FNBP1L: variants seen among roughly 807,000 people sequenced by gnomAD.
FNBP1L encodes the protein formin binding protein 1 like, also known as formin-binding protein 1-like.
FNBP1L carries 36 observed loss-of-function variants against 91.2 expected under a neutral mutation model. The observed-to-expected ratio is 0.39, with a 90% CI of 0.30 to 0.52. The LOEUF (loss-of-function observed/expected upper bound fraction) is 0.52. Among genes scored for constraint, FNBP1L ranks in the 20% least tolerant of loss-of-function variants. FNBP1L has a pLI of 0.66. For missense variants in FNBP1L, 571 were observed against 732.1 expected (o/e 0.78, Z 2.54); for synonymous variants, 242 against 237.0 (o/e 1.02, Z -0.19).
intron 1 of FNBP1L, among the ~76,000 whole-genome samples, chr1:93,472,289 C>T (rs374988479): frequency 6.6e-5 from 10 of 152,276 alleles, no homozygotes; most frequent in African/African-American, 2.4e-4. Flanking sequence ...TTCACGAATA[C>T]TACTACTAAT....
rs1192168194 is a variant in FNBP1L at position 93,536,411 on chromosome 1, T to C, written c.1070T>C (p.Ile357Thr). ...PNGSQFLTFS[I>T]EPVHYCMNEI... ...GGGTCCCAGTTTCTCACATTCTCCA[T>C]TGAGCCCGTGCATTATTGTATGAAT... Residue 357 changes from isoleucine to threonine, a missense_variant, in exon 10 of 17, where the codon ATT (isoleucine) becomes ACT (threonine). Transcript: ENST00000271234. 26 of 1,550,980 alleles carry C rather than the reference T, an allele frequency of 1.7e-5. No individual in the cohort carries two copies. The highest frequency in any genetic ancestry group is 2.2e-5 in the Non-Finnish European group (25 of 1,146,438).
chr1:93,518,842 C>A (rs988989652), intron 2 of FNBP1L, among the ~76,000 whole-genome samples: 1 of 152,130 alleles, frequency 6.6e-6, no homozygotes, highest in Non-Finnish European at 1.5e-5. Flanking sequence ...AAAAAGAAAA[C>A]CCTGTACCCA....
chr1:93,505,049 T>G (rs1468884061), intron 2 of FNBP1L, among the ~76,000 whole-genome samples: 3 of 151,946 alleles, frequency 2.0e-5, no homozygotes, highest in Non-Finnish European at 4.4e-5. Context: ...GTTTCATAGT[T>G]TTAGGTCTTT....
At chr1:93,451,802 C>A (rs1033894220) in intron 1 of FNBP1L, among the ~76,000 whole-genome samples, 1 of 152,092 alleles carries the variant, frequency 6.6e-6, no homozygotes, top group Non-Finnish European at 1.5e-5. Flanking sequence ...CAGGTGCACA[C>A]CACCATGCCC....
intron 1 of FNBP1L, among the ~76,000 whole-genome samples, chr1:93,481,812 A>G (rs1230198683): frequency 1.3e-5 from 2 of 152,180 alleles, no homozygotes; most frequent in East Asian, 1.9e-4. Context: ...TGGGAAAAAA[A>G]GGAAAGTGTT....
intron 2 of FNBP1L, among the ~76,000 whole-genome samples, chr1:93,516,419 G>A (rs1393784247): frequency 6.6e-6 from 1 of 152,204 alleles, no homozygotes; most frequent in African/African-American, 2.4e-5. Flanking sequence ...ACCCACAGGA[G>A]TTCTGGCAAG....
chr1:93,493,110 A>G (rs1159338134), intron 1 of FNBP1L, among the ~76,000 whole-genome samples: 2 of 152,116 alleles, frequency 1.3e-5, no homozygotes, highest in African/African-American at 4.8e-5. Context: ...CTAAAAATAC[A>G]AAAATTAGCT....
intron 2 of FNBP1L, among the ~76,000 whole-genome samples, chr1:93,515,666 CA>C (rs1483160058): frequency 6.7e-6 from 1 of 148,614 alleles, no homozygotes; most frequent in Non-Finnish European, 1.5e-5. Context: ...ATCGCAAGCA[CA>C]AAAAACCAAA....
chr1:93,539,412 C>T (rs1671951694), intron 10 of FNBP1L, among the ~76,000 whole-genome samples: 1 of 151,752 alleles, frequency 6.6e-6, no homozygotes, highest in African/African-American at 2.4e-5. Flanking sequence ...TTACACAGAA[C>T]ATATGTCTAA....
At chr1:93,470,084 A>G (rs1299771535) in intron 1 of FNBP1L, among the ~76,000 whole-genome samples, 1 of 152,164 alleles carries the variant, frequency 6.6e-6, no homozygotes, top group Non-Finnish European at 1.5e-5. Context: ...TTTTGGCATT[A>G]ATTTAAGAAA....
At chr1:93,524,208 TTTTTG>T (rs1671424634) in intron 4 of FNBP1L, 48 bp from the exon 5 acceptor site, 5 of 1,354,850 alleles carry the variant, frequency 3.7e-6, no homozygotes, top group Admixed American at 3.2e-5. Flanking sequence ...TTTTTATTTG[TTTTTG>T]TTTTATTTTT....
chr1:93,467,374 A>C (rs1669124931), intron 1 of FNBP1L, among the ~76,000 whole-genome samples: 1 of 152,236 alleles, frequency 6.6e-6, no homozygotes, highest in Non-Finnish European at 1.5e-5. Context: ...TAAGTGAAAC[A>C]AACAGGTCAG....
At chr1:93,498,048 C>T (rs902518632) in intron 1 of FNBP1L, among the ~76,000 whole-genome samples, 6 of 151,286 alleles carry the variant, frequency 4.0e-5, no homozygotes, top group East Asian at 1.9e-4. Flanking sequence ...TTCATAACTA[C>T]GTAATTCAAT....
chr1:93,506,886 A>ATG (rs1304541474), intron 2 of FNBP1L, among the ~76,000 whole-genome samples: 2 of 152,164 alleles, frequency 1.3e-5, no homozygotes, highest in Non-Finnish European at 2.9e-5. Context: ...TTAAATATAT[A>ATG]TTAAAAAGGG....
At chr1:93,541,303 G>A (rs945858513) in intron 11 of FNBP1L, among the ~76,000 whole-genome samples, 1 of 152,162 alleles carries the variant, frequency 6.6e-6, no homozygotes, top group Non-Finnish European at 1.5e-5. Context: ...TCATGTTACA[G>A]AGGAGCGTAA....
At chr1:93,486,830 A>G (rs565327352) in intron 1 of FNBP1L, among the ~76,000 whole-genome samples, 138 of 152,330 alleles carry the variant, frequency 9.1e-4, no homozygotes, top group African/African-American at 3.2e-3. Flanking sequence ...AGCAATGAAC[A>G]CTGCTTCTAC....
chr1:93,482,244 TTTTCA>T (rs775284480), intron 1 of FNBP1L, among the ~76,000 whole-genome samples: 6 of 152,196 alleles, frequency 3.9e-5, no homozygotes, highest in Non-Finnish European at 8.8e-5. Flanking sequence ...GTTTGCCTTA[TTTTCA>T]TTTCTTCTTA....
chr1:93,481,098 A>C (rs987437772), intron 1 of FNBP1L, among the ~76,000 whole-genome samples: 7 of 152,204 alleles, frequency 4.6e-5, no homozygotes, highest in African/African-American at 1.7e-4. Context: ...CGGAAGAAGC[A>C]CATAACCAAT....
chr1:93,466,711 T>C (rs1669092222), intron 1 of FNBP1L, among the ~76,000 whole-genome samples: 1 of 152,176 alleles, frequency 6.6e-6, no homozygotes, highest in Non-Finnish European at 1.5e-5. Context: ...CATATGAACT[T>C]TGAAGTAGTT....
Sources: allele counts gnomAD v4.1 joint callset (sites outside exome capture counted in the v4.1 genomes callset), GRCh38; gene constraint gnomAD v4.1.1; transcripts MANE v1.5; gene names NCBI Gene and HGNC (gene_info 2026-07-23, HGNC 2026-07-21).